Variants in B3GALT1 observed in about 807,000 individuals in gnomAD.
B3GALT1 encodes beta-1,3-galactosyltransferase 1.
B3GALT1 carries 10 observed loss-of-function variants against 23.2 expected under a neutral mutation model. The ratio of observed to expected loss-of-function variants is 0.43; its 90% CI spans 0.27 to 0.73. The LOEUF (loss-of-function observed/expected upper bound fraction) is 0.73, where lower values mean the gene tolerates loss of function less well. Ranked by LOEUF, B3GALT1 falls within the 30% of genes least tolerant of loss-of-function variation. B3GALT1 has a pLI of 0.21. For missense variants in B3GALT1, 299 were observed against 405.4 expected, an observed-to-expected ratio of 0.74 and a Z score of 2.25; for synonymous variants, 156 against 141.5, an observed-to-expected ratio of 1.10 and a Z score of -0.73.
intron 3 of B3GALT1, among the ~76,000 whole-genome samples, chr2:167,671,614 T>A: frequency 6.6e-6 from 1 of 151,376 alleles, no homozygotes; most frequent in Admixed American, 6.6e-5. Context: ...CAAACAAAAG[T>A]GGAAAGACTA....
intron 1 of B3GALT1, among the ~76,000 whole-genome samples, chr2:167,476,166 A>G (rs956633676): frequency 6.6e-6 from 1 of 152,140 alleles, no homozygotes; most frequent in African/African-American, 2.4e-5. Flanking sequence ...ATACAATTCA[A>G]CCCATAACAA....
intron 3 of B3GALT1, among the ~76,000 whole-genome samples, chr2:167,764,760 T>A (rs532857817): frequency 6.6e-6 from 1 of 152,208 alleles, no homozygotes; most frequent in Non-Finnish European, 1.5e-5. Context: ...CACAGATTGC[T>A]TTCCTTCGGC....
intron 1 of B3GALT1, among the ~76,000 whole-genome samples, chr2:167,370,152 T>A (rs934962632): frequency 5.9e-5 from 9 of 152,196 alleles, no homozygotes; most frequent in Non-Finnish European, 1.3e-4. Flanking sequence ...ATTGCTTGTA[T>A]TATGAGATTT....
chr2:167,829,754 G>T (rs774562646), intron 4 of B3GALT1, among the ~76,000 whole-genome samples: 3 of 152,132 alleles, frequency 2.0e-5, no homozygotes, highest in Non-Finnish European at 4.4e-5. Context: ...GTGACTTCCT[G>T]CTGGGCAGGA....
At chr2:167,666,643 G>T (rs1463930787) in intron 3 of B3GALT1, among the ~76,000 whole-genome samples, 1 of 152,080 alleles carries the variant, frequency 6.6e-6, no homozygotes, top group African/African-American at 2.4e-5. Context: ...CCTGTATTGG[G>T]TGCATATATA....
At chr2:167,756,579 A>G (rs982309665) in intron 3 of B3GALT1, among the ~76,000 whole-genome samples, 4 of 152,214 alleles carry the variant, frequency 2.6e-5, no homozygotes, top group Admixed American at 6.5e-5. Flanking sequence ...GACTGTAGCT[A>G]CCCGGGGAAT....
At chr2:167,486,472 C>A (rs572623091) in intron 1 of B3GALT1, among the ~76,000 whole-genome samples, 10 of 151,750 alleles carry the variant, frequency 6.6e-5, no homozygotes, top group African/African-American at 2.2e-4. Flanking sequence ...GCCTGCCCAG[C>A]GCTTTGGGAG....
chr2:167,713,743 G>C (rs1410255401), intron 3 of B3GALT1: 2 of 1,578,478 alleles, frequency 1.3e-6, no homozygotes, highest in East Asian at 4.5e-5. Context: ...TCTACCTTCA[G>C]AATGTGGGGT....
At position 167,871,467 on chromosome 2, in the gene B3GALT1, C is replaced by G. The variant is rs1483815856; in HGVS notation, c.*1447C>G. On this transcript the variant is annotated 3_prime_UTR_variant, in exon 5 of 5. Transcript: ENST00000392690. Reference sequence around the variant, plus strand: ...TGAACTATCACTGCACCTAATTCTACCAAGGCTTGACTTTTCCTTGGCTGT... The same window carrying G: ...TGAACTATCACTGCACCTAATTCTAGCAAGGCTTGACTTTTCCTTGGCTGT... 1 of 152,156 alleles carries G rather than the reference C, an allele frequency of 6.6e-6. No homozygotes were observed. The highest frequency in any genetic ancestry group is 1.9e-4 in the East Asian group (1 of 5,200). The allele number at this position is 152,156 out of a possible 1,614,324, so 9.4% of individuals were successfully genotyped here.
chr2:167,346,606 C>T (rs2140501), intron 1 of B3GALT1, among the ~76,000 whole-genome samples: 132,039 of 152,188 alleles, frequency 0.87, 57,495 homozygotes, highest in Middle Eastern at 0.94. Context: ...TTTTATTAAC[C>T]ACACAGGAAA....
intron 1 of B3GALT1, among the ~76,000 whole-genome samples, chr2:167,300,396 C>T (rs1371049365): frequency 1.3e-5 from 2 of 152,222 alleles, no homozygotes; most frequent in African/African-American, 2.4e-5. Flanking sequence ...CACATATATA[C>T]ATACAGACAA....
intron 2 of B3GALT1, among the ~76,000 whole-genome samples, chr2:167,509,371 A>G (rs770440719): frequency 8.5e-5 from 13 of 152,156 alleles, no homozygotes; most frequent in Non-Finnish European, 1.8e-4. Context: ...ATAATAAACA[A>G]CAAATAAAAA....
intron 3 of B3GALT1, among the ~76,000 whole-genome samples, chr2:167,685,123 G>A (rs1384528200): frequency 6.6e-6 from 1 of 152,226 alleles, no homozygotes; most frequent in Non-Finnish European, 1.5e-5. Flanking sequence ...AAATGATGCT[G>A]CAAATGTTCT....
chr2:167,848,378 A>G (rs972555534), intron 4 of B3GALT1, among the ~76,000 whole-genome samples: 3 of 152,168 alleles, frequency 2.0e-5, no homozygotes, highest in Non-Finnish European at 2.9e-5. Flanking sequence ...ACAATATATC[A>G]AAAAAGATAA....
intron 3 of B3GALT1, among the ~76,000 whole-genome samples, chr2:167,686,309 T>C (rs1686615605): frequency 1.3e-5 from 2 of 152,254 alleles, no homozygotes; most frequent in East Asian, 3.8e-4. Flanking sequence ...ATTTAGAACC[T>C]GATTTTATAG....
intron 3 of B3GALT1, among the ~76,000 whole-genome samples, chr2:167,771,729 T>C (rs1688075486): frequency 6.6e-6 from 1 of 152,180 alleles, no homozygotes; most frequent in Admixed American, 6.5e-5. Context: ...CAGATAGACA[T>C]AGCCATTTTC....
At chr2:167,639,143 C>T (rs1315607382) in intron 2 of B3GALT1, among the ~76,000 whole-genome samples, 1 of 152,030 alleles carries the variant, frequency 6.6e-6, no homozygotes, top group East Asian at 1.9e-4. Flanking sequence ...ATCTCCCCTT[C>T]TGGAACATAC....
intron 1 of B3GALT1, among the ~76,000 whole-genome samples, chr2:167,486,393 T>G (rs1699627859): frequency 6.7e-6 from 1 of 150,342 alleles, no homozygotes; most frequent in Non-Finnish European, 1.5e-5. Flanking sequence ...AAAAGATGCT[T>G]TATATCTCAC....
intron 3 of B3GALT1, among the ~76,000 whole-genome samples, chr2:167,808,821 A>T (rs2105349531): frequency 6.6e-6 from 1 of 152,212 alleles, no homozygotes; most frequent in South Asian, 2.1e-4. Flanking sequence ...CCGAATTTGA[A>T]TGTTGGCCTG....
Sources: allele counts gnomAD v4.1 joint callset (sites outside exome capture counted in the v4.1 genomes callset), GRCh38; gene constraint gnomAD v4.1.1; transcripts MANE v1.5; gene names NCBI Gene and HGNC (gene_info 2026-07-23, HGNC 2026-07-21).